NCOA2: variants seen among roughly 807,000 people sequenced by gnomAD.
NCOA2 encodes the protein class E basic helix-loop-helix protein 75.
In NCOA2, 21 loss-of-function variants were observed where a neutral mutation model predicts 145.1. The ratio of observed to expected loss-of-function variants is 0.14; its 90% CI spans 0.10 to 0.21. The LOEUF is 0.21. NCOA2 is among the 10% of genes least tolerant of loss of function. The pLI is 1.00. For missense variants in NCOA2, 1,472 were observed against 1,837.6 expected (o/e 0.80, Z 3.64); for synonymous variants, 619 against 637.5 (o/e 0.97, Z 0.44).
At chr8:70,265,361 C>G (rs975106122) in intron 2 of NCOA2, among the ~76,000 whole-genome samples, 3 of 152,184 alleles carry the variant, frequency 2.0e-5, no homozygotes, top group Non-Finnish European at 4.4e-5. Context: ...GCCTCCGGAA[C>G]TGTGAGAAAT....
chr8:70,141,995 C>T (rs982218656), intron 13 of NCOA2, among the ~76,000 whole-genome samples: 1 of 152,146 alleles, frequency 6.6e-6, no homozygotes, highest in Non-Finnish European at 1.5e-5. Context: ...CCACTGTATT[C>T]CTGACTATAC....
At chr8:70,335,144 A>ATT (rs1807464677) in intron 1 of NCOA2, among the ~76,000 whole-genome samples, 1 of 149,576 alleles carries the variant, frequency 6.7e-6, no homozygotes, top group Non-Finnish European at 1.5e-5. Context: ...AAAAAAAAAA[A>ATT]AAAAAAAAAG....
chr8:70,425,987 G>A, the NCOA2 span, among the ~76,000 whole-genome samples: 1 of 152,140 alleles, frequency 6.6e-6, no homozygotes, highest in Admixed American at 6.5e-5. Context: ...AAAATTATCT[G>A]GATCACTGTC....
intron 1 of NCOA2, among the ~76,000 whole-genome samples, chr8:70,398,634 T>C (rs968687608): frequency 1.1e-4 from 16 of 152,252 alleles, no homozygotes; most frequent in Non-Finnish European, 1.5e-5. Flanking sequence ...AAAGTAAAGA[T>C]GTTTTCTTTT....
chr8:70,168,905 TC>T (rs1323822849), intron 6 of NCOA2, among the ~76,000 whole-genome samples: 1 of 152,132 alleles, frequency 6.6e-6, no homozygotes, highest in Non-Finnish European at 1.5e-5. Context: ...AATAAAGGAA[TC>T]CTACACAAGT....
intron 1 of NCOA2, among the ~76,000 whole-genome samples, chr8:70,356,480 T>C (rs1018849511): frequency 1.3e-5 from 2 of 152,208 alleles, no homozygotes; most frequent in Admixed American, 6.5e-5. Flanking sequence ...CAGAAACTAC[T>C]GAACCAATGA....
At chr8:70,353,880 C>G (rs996541153) in intron 1 of NCOA2, among the ~76,000 whole-genome samples, 1 of 152,156 alleles carries the variant, frequency 6.6e-6, no homozygotes, top group Non-Finnish European at 1.5e-5. Flanking sequence ...TATAAATACA[C>G]TGACCCTTAT....
chr8:70,161,881 G>T (rs1051361760), intron 9 of NCOA2, among the ~76,000 whole-genome samples: 2 of 151,262 alleles, frequency 1.3e-5, no homozygotes, highest in East Asian at 3.9e-4. Context: ...TAAAGCAAAA[G>T]AATTTTTTTT....
chr8:70,396,765 G>T (rs1813711441), intron 1 of NCOA2, among the ~76,000 whole-genome samples: 3 of 152,182 alleles, frequency 2.0e-5, no homozygotes, highest in Admixed American at 2.0e-4. Flanking sequence ...ACAATTTGCA[G>T]GACTGGAACT....
At chr8:70,162,296 T>A (rs762900147) in intron 9 of NCOA2, among the ~76,000 whole-genome samples, 35 of 152,196 alleles carry the variant, frequency 2.3e-4, no homozygotes, top group Admixed American at 8.5e-4. Flanking sequence ...TCTTTGTTGG[T>A]TACCACCTTG....
At chr8:70,324,610 C>A (rs1242855178) in intron 1 of NCOA2, among the ~76,000 whole-genome samples, 7 of 151,742 alleles carry the variant, frequency 4.6e-5, no homozygotes, top group East Asian at 3.9e-4. Flanking sequence ...CAAAAGCTCA[C>A]GAGCCATGGT....
rs751916832 is a variant in NCOA2, at chr8:70,124,767, G to C, written c.4015C>G (p.Gln1339Glu). The change falls in exon 20 of 23, where the codon CAA becomes GAA. Residue 1339 changes from glutamine (Q) to glutamate (E), a missense_variant. Coordinates refer to ENST00000452400, the MANE Select transcript of NCOA2 (RefSeq NM_006540.4). ...RMAHTQSPMM[Q>E]QSQANPAYQA... Reference sequence around the variant, plus strand: ...TAGGCTGGGTTGGCCTGAGACTGTTGCATCATGGGACTCTGTGTATGTGCC... The same window carrying C: ...TAGGCTGGGTTGGCCTGAGACTGTTCCATCATGGGACTCTGTGTATGTGCC... The C allele has an allele frequency of 1.9e-6, 3 of 1,613,574 alleles. No homozygotes were observed. The highest frequency in any genetic ancestry group is 2.5e-6 in the Non-Finnish European group (3 of 1,179,808).
intron 4 of NCOA2, among the ~76,000 whole-genome samples, chr8:70,175,799 T>G (rs1382655619): frequency 6.6e-6 from 1 of 152,150 alleles, no homozygotes; most frequent in East Asian, 1.9e-4. Flanking sequence ...TCGTTGTAAT[T>G]AAACGTAGAA....
chr8:70,343,725 C>G (rs556077090), intron 1 of NCOA2, among the ~76,000 whole-genome samples: 268 of 151,504 alleles, frequency 1.8e-3, no homozygotes, highest in African/African-American at 6.3e-3. Context: ...GCAGGAGAAT[C>G]GCTTGAACCC....
intron 2 of NCOA2, among the ~76,000 whole-genome samples, chr8:70,258,034 C>CAG (rs1194933816): frequency 1.5e-4 from 23 of 152,312 alleles, no homozygotes; most frequent in Non-Finnish European, 2.9e-4. Context: ...CCTCCCACCT[C>CAG]AGTCTCCCCA....
intron 1 of NCOA2, among the ~76,000 whole-genome samples, chr8:70,387,320 C>G (rs1005487192): frequency 6.6e-6 from 1 of 152,172 alleles, no homozygotes; most frequent in Admixed American, 6.5e-5. Context: ...TATGCACCAC[C>G]CTGCCATGTT....
chr8:70,210,500 A>C (rs1037545499), intron 4 of NCOA2, among the ~76,000 whole-genome samples: 8 of 152,194 alleles, frequency 5.3e-5, no homozygotes, highest in African/African-American at 1.9e-4. Context: ...TCCATTCCAC[A>C]GTTAATGCTC....
intron 2 of NCOA2, among the ~76,000 whole-genome samples, chr8:70,236,597 G>A (rs1179680415): frequency 2.0e-5 from 3 of 151,928 alleles, no homozygotes; most frequent in African/African-American, 7.3e-5. Flanking sequence ...TCTTCTAAAC[G>A]CCTATACAGC....
intron 1 of NCOA2, among the ~76,000 whole-genome samples, chr8:70,381,674 T>C (rs757972480): frequency 1.3e-5 from 2 of 152,184 alleles, no homozygotes; most frequent in Non-Finnish European, 2.9e-5. Flanking sequence ...ATAACAGAAA[T>C]ACAAGACTAA....
Sources: allele counts gnomAD v4.1 joint callset (sites outside exome capture counted in the v4.1 genomes callset), GRCh38; gene constraint gnomAD v4.1.1; transcripts MANE v1.5; gene names NCBI Gene and HGNC (gene_info 2026-07-23, HGNC 2026-07-21).